ABCC1: variants seen among roughly 807,000 people sequenced by gnomAD.
The protein encoded by ABCC1 is ATP binding cassette subfamily C member 1 (ABCC1 blood group).
A neutral mutation model predicts 172.9 loss-of-function variants in ABCC1; 83 were observed. The ratio of observed to expected loss-of-function variants is 0.48; its 90% CI spans 0.40 to 0.58. ABCC1 has a LOEUF of 0.58. ABCC1 is among the 20% of genes least tolerant of loss of function. ABCC1 has a pLI of 0.00. For synonymous variants in ABCC1, 937 were observed against 825.2 expected (o/e 1.14, Z -2.32); for missense variants, 1,817 against 2,002.7 (o/e 0.91, Z 1.77).
intron 20 of ABCC1, 61 bp from the exon 21 acceptor site, chr16:16,106,677 A>C: frequency 1.2e-6 from 2 of 1,606,468 alleles, no homozygotes; most frequent in Non-Finnish European, 1.7e-6. Context: ...CCCAGCAGGG[A>C]GCCCTCCGAC....
intron 5 of ABCC1, among the ~76,000 whole-genome samples, chr16:16,025,645 A>G (rs1349228671): frequency 6.6e-6 from 1 of 152,194 alleles, no homozygotes; most frequent in Non-Finnish European, 1.5e-5. Flanking sequence ...AGACCCAGAC[A>G]AGGTCCTTAA....
intron 1 of ABCC1, among the ~76,000 whole-genome samples, chr16:16,005,348 GA>G (rs139114852): frequency 8.6e-6 from 1 of 115,726 alleles, no homozygotes; most frequent in African/African-American, 2.9e-5. Context: ...CAGATTTTCT[GA>G]TTTTTTTTTT....
rs57105111 is a variant in ABCC1, at chr16:15,952,716, T to TA, written c.48+2945dup. Among the ~76,000 whole-genome samples the TA allele has an allele frequency of 1.0e-2, 401 of 40,288 alleles. 16 individuals are homozygous for TA. The highest frequency in any genetic ancestry group is 0.046 in the African/African-American group (355 of 7,726). 26.4% of individuals were successfully genotyped at this position (40,288 alleles called of 152,430 possible). A position where few individuals can be genotyped will look rare whatever the true frequency, so the allele number is the denominator to read the frequency against. The stretch of plus-strand genomic sequence containing the variant: ...GGCCTGGGACTTTTTGTGAGTTCAT[T>TA]AAAAAAAAAAAAAAAAAAAAAAAAA... On this transcript the variant is annotated intron_variant, in intron 1 of 30. Transcript: ENST00000399410.
intron 5 of ABCC1, among the ~76,000 whole-genome samples, chr16:16,029,651 T>A (rs921928294): frequency 2.6e-5 from 4 of 152,224 alleles, no homozygotes. Context: ...GTTGCAAAAA[T>A]AACAGAGTTC....
chr16:16,112,159 C>T (rs2052414310), intron 22 of ABCC1, among the ~76,000 whole-genome samples: 2 of 152,032 alleles, frequency 1.3e-5, no homozygotes, highest in African/African-American at 4.8e-5. Context: ...CGAGACCAGC[C>T]TGGGCAACAT....
chr16:16,104,073 G>C (rs1381251009), intron 20 of ABCC1, among the ~76,000 whole-genome samples: 1 of 151,860 alleles, frequency 6.6e-6, no homozygotes, highest in Non-Finnish European at 1.5e-5. Flanking sequence ...CGCTGGGTTT[G>C]TGCTCTGGCT....
chr16:16,054,028 G>A (rs2049542321), intron 11 of ABCC1, among the ~76,000 whole-genome samples: 1 of 151,414 alleles, frequency 6.6e-6, no homozygotes, highest in Non-Finnish European at 1.5e-5. Context: ...AGGCTAGAGT[G>A]CAGTCGTACG....
At chr16:16,137,138 G>A (rs2045944633) in intron 29 of ABCC1, among the ~76,000 whole-genome samples, 1 of 152,206 alleles carries the variant, frequency 6.6e-6, no homozygotes, top group South Asian at 2.1e-4. Flanking sequence ...CCGTCTCCAT[G>A]ACAACCAACC....
chr16:16,072,821 C>T (rs1171981328), intron 14 of ABCC1, among the ~76,000 whole-genome samples: 1 of 151,602 alleles, frequency 6.6e-6, no homozygotes, highest in African/African-American at 2.4e-5. Context: ...GCAGGTGGAT[C>T]ACTTGAGGTC....
chr16:16,091,880 G>A (rs2051270535), intron 19 of ABCC1, among the ~76,000 whole-genome samples: 2 of 152,162 alleles, frequency 1.3e-5, no homozygotes, highest in Admixed American at 1.3e-4. Flanking sequence ...CCTTTGCCTG[G>A]GGTGGGAGCT....
At chr16:16,106,573 T>TG (rs4148370) in intron 20 of ABCC1, 165 bp from the exon 21 acceptor site, 619,930 of 712,488 alleles carry the variant, frequency 0.87, 272,775 homozygotes, top group Non-Finnish European at 0.9. Context: ...AGTGACATGG[T>TG]GGGGTGTGGT....
chr16:16,031,602 G>A (rs768874029), intron 5 of ABCC1, among the ~76,000 whole-genome samples: 2 of 152,120 alleles, frequency 1.3e-5, no homozygotes, highest in Non-Finnish European at 2.9e-5. Flanking sequence ...CTTGGTTCCT[G>A]GAGTCTACCA....
chr16:16,111,506 T>C lies in ABCC1; in HGVS notation c.3003T>C (p.Asp1001=), dbSNP rs868637549. Residue 1001 remains aspartate, a synonymous_variant, in exon 22 of 31, where the codon GAT becomes GAC. Coordinates refer to ENST00000399410, the MANE Select transcript of ABCC1 (RefSeq NM_004996.4). ...ACTATTGGCTCAGCCTCTGGACTGATGACCCCATCGTCAACGGGACTCAGG... is the reference window on the plus strand; with the variant it reads ...ACTATTGGCTCAGCCTCTGGACTGACGACCCCATCGTCAACGGGACTCAGG... ...ASNYWLSLWT[D]DPIVNGTQEH... 1 of 1,614,216 alleles carries C rather than the reference T, an allele frequency of 6.2e-7. No individual in the cohort carries two copies. Among genetic ancestry groups the C allele is most frequent in the Middle Eastern group, 1.7e-4 (1 of 6,060 alleles).
intron 1 of ABCC1, among the ~76,000 whole-genome samples, chr16:15,976,063 C>T (rs896760179): frequency 2.6e-5 from 4 of 151,790 alleles, no homozygotes; most frequent in East Asian, 4.0e-4. Flanking sequence ...ATCAGGAGTT[C>T]GAGACCAGCC....
intron 5 of ABCC1, among the ~76,000 whole-genome samples, chr16:16,025,066 G>A (rs189181482): frequency 1.6e-4 from 24 of 152,286 alleles, no homozygotes; most frequent in Admixed American, 3.3e-4. Flanking sequence ...ATTCTGGGGT[G>A]TGCTCCAGTA....
Position 16,141,344 on chromosome 16 carries a change from T to C in ABCC1, c.*63T>C. 1 of 1,470,144 alleles carries C rather than the reference T, an allele frequency of 6.8e-7. No homozygotes were observed. The allele number at this position is 1,470,144 out of a possible 1,614,324, so 91.1% of individuals were successfully genotyped here. A position where few individuals can be genotyped will look rare whatever the true frequency, so the allele number is the denominator to read the frequency against. On this transcript the variant is annotated 3_prime_UTR_variant, in exon 31 of 31. Transcript: ENST00000399410. The stretch of plus-strand genomic sequence containing the variant: ...CTATATGCCAGCGCCCAGGGAGGAG[T>C]CAGTACCCCTGGTAAACCAAGCCTC...
intron 11 of ABCC1, among the ~76,000 whole-genome samples, chr16:16,054,920 G>A (rs2049586023): frequency 6.6e-6 from 1 of 152,186 alleles, no homozygotes; most frequent in South Asian, 2.1e-4. Context: ...AGCCAGTACA[G>A]AAACATTTCA....
intron 18 of ABCC1, among the ~76,000 whole-genome samples, chr16:16,088,659 G>T (rs892428030): frequency 6.6e-6 from 1 of 152,074 alleles, no homozygotes. Flanking sequence ...ATTAAATTTA[G>T]ATATCAGTGT....
At chr16:16,010,169 GAGTAGTTGGGACTAC>G (rs1433744206) in intron 3 of ABCC1, among the ~76,000 whole-genome samples, 6 of 147,020 alleles carry the variant, frequency 4.1e-5, no homozygotes, top group Non-Finnish European at 8.9e-5. Flanking sequence ...TCAGACTTCT[GAGTAGTTGGGACTAC>G]AGGTGTGTGT....
Sources: allele counts gnomAD v4.1 joint callset (sites outside exome capture counted in the v4.1 genomes callset), GRCh38; gene constraint gnomAD v4.1.1; transcripts MANE v1.5; gene names NCBI Gene and HGNC (gene_info 2026-07-23, HGNC 2026-07-21).